Variants in POM121 observed in about 807,000 individuals in gnomAD.
POM121 encodes the protein POM121 transmembrane nucleoporin, also known as nuclear envelope pore membrane protein POM 121.
POM121 carries 32 observed loss-of-function variants against 81.3 expected under a neutral mutation model. The observed-to-expected ratio is 0.39, with a 90% CI of 0.30 to 0.53. POM121 has a LOEUF of 0.53. Among genes scored for constraint, POM121 ranks in the 20% least tolerant of loss-of-function variants. POM121 has a pLI of 0.66. For synonymous variants in POM121, 514 were observed against 694.2 expected (o/e 0.74, Z 4.08); for missense variants, 1,138 against 1,614.6 (o/e 0.70, Z 5.06).
chr7:72,891,106 T>C (rs1791255344), exon 3 of POM121: 2 of 1,107,756 alleles, frequency 1.8e-6, no homozygotes, highest in Admixed American at 3.8e-5. Context: ...GTCAACATAG[T>C]CCAGGTAAGT....
intron 5 of POM121, among the ~76,000 whole-genome samples, chr7:72,936,951 A>G (rs558405744): frequency 3.3e-5 from 5 of 151,134 alleles, no homozygotes; most frequent in Non-Finnish European, 7.4e-5. Flanking sequence ...TCGGCCATCT[A>G]TGTGCTTTTA....
chr7:72,884,535 CAAATATATACA>C (rs1790501901), intron 1 of POM121, among the ~76,000 whole-genome samples: 4 of 59,376 alleles, frequency 6.7e-5, no homozygotes, highest in African/African-American at 2.9e-4. Flanking sequence ...TATTTGATAG[CAAATATATACA>C]TATAATATAT....
At chr7:72,949,106 A>G (rs2129581520), downstream of POM121, 2 of 1,599,544 alleles carry the variant, frequency 1.3e-6, no homozygotes, top group South Asian at 1.1e-5. Context: ...GGCATACCTA[A>G]GGAAAAGCGT....
intron 3 of POM121, among the ~76,000 whole-genome samples, chr7:72,904,494 CG>C (rs1177673658): frequency 6.6e-6 from 1 of 152,162 alleles, no homozygotes; most frequent in Non-Finnish European, 1.5e-5. Context: ...TGGCAGCCCT[CG>C]GGCAGCTGAG....
intron 1 of POM121, among the ~76,000 whole-genome samples, chr7:72,884,113 C>A (rs2129574410): frequency 6.6e-6 from 1 of 152,244 alleles, no homozygotes; most frequent in East Asian, 1.9e-4. Context: ...CTATGTTGCC[C>A]AGGCTGGTCT....
chr7:72,919,072 A>G (rs1794560658), intron 4 of POM121, among the ~76,000 whole-genome samples: 1 of 151,808 alleles, frequency 6.6e-6, no homozygotes, highest in Admixed American at 6.6e-5. Flanking sequence ...GTGCTAGGCT[A>G]ATTTTTTATT....
At chr7:72,949,570 C>A, downstream of POM121, 1 of 706,024 alleles carries the variant, frequency 1.4e-6, no homozygotes, top group African/African-American at 1.8e-5. Flanking sequence ...CACAGACAAC[C>A]AGAACATGCA....
chr7:72,897,271 G>T (rs1292962406), intron 3 of POM121, among the ~76,000 whole-genome samples: 2 of 152,184 alleles, frequency 1.3e-5, no homozygotes, highest in Admixed American at 6.6e-5. Context: ...GTTGAGAAAG[G>T]CCTCACTGAT....
intron 3 of POM121, among the ~76,000 whole-genome samples, chr7:72,909,098 A>G (rs1486084053): frequency 1.3e-5 from 2 of 152,230 alleles, no homozygotes; most frequent in African/African-American, 4.8e-5. Flanking sequence ...TTATAAAAGT[A>G]TTAATTTAGG....
chr7:72,930,202 C>T, intron 5 of POM121, 91 bp downstream of exon 5: 2 of 1,450,460 alleles, frequency 1.4e-6, no homozygotes, highest in Non-Finnish European at 1.8e-6. Context: ...GCCATGTAAT[C>T]CCAGCACTTT....
intron 3 of POM121, among the ~76,000 whole-genome samples, chr7:72,897,917 G>T (rs1792130527): frequency 6.6e-6 from 1 of 152,194 alleles, no homozygotes; most frequent in Admixed American, 6.5e-5. Context: ...GACTTGGGAG[G>T]CTGAGGTGAG....
intron 5 of POM121, among the ~76,000 whole-genome samples, chr7:72,936,071 G>A (rs1554499395): frequency 1.3e-5 from 2 of 151,740 alleles, no homozygotes; most frequent in Non-Finnish European, 2.9e-5. Context: ...TGAAATGAGT[G>A]TGTATGTACA....
chr7:72,941,329 C>T (rs1209098396), intron 10 of POM121, among the ~76,000 whole-genome samples: 4 of 151,878 alleles, frequency 2.6e-5, no homozygotes, highest in South Asian at 2.1e-4. Context: ...CTGTCAGAAC[C>T]ACTGGTCCAG....
chr7:72,889,098 C>G (rs1483122722), intron 1 of POM121, among the ~76,000 whole-genome samples: 1 of 152,170 alleles, frequency 6.6e-6, no homozygotes, highest in Non-Finnish European at 1.5e-5. Context: ...GTGGTATTGA[C>G]ATGTAATTTT....
Position 72,948,229 on chromosome 7 carries a change from A to G in POM121, c.*1995A>G, listed in dbSNP as rs1471306915. Reference sequence around the variant, plus strand: ...CTTCATTCCTGTTGAGTCTAGTTGGAATTTTTAGTATGAATGTGAGATTTT... The same window carrying G: ...CTTCATTCCTGTTGAGTCTAGTTGGGATTTTTAGTATGAATGTGAGATTTT... On this transcript the variant is annotated 3_prime_UTR_variant, in exon 13 of 13. Transcript: ENST00000434423. The G allele has an allele frequency of 3.7e-5, 53 of 1,450,184 alleles. No individual in the cohort carries two copies. The highest frequency in any genetic ancestry group is 4.6e-5 in the Non-Finnish European group (51 of 1,105,710). 89.8% of individuals were successfully genotyped at this position (1,450,184 alleles called of 1,614,324 possible).
intron 4 of POM121, among the ~76,000 whole-genome samples, chr7:72,915,247 A>T (rs1794185318): frequency 6.6e-6 from 1 of 152,184 alleles, no homozygotes; most frequent in Middle Eastern, 3.2e-3. Context: ...GATCTCAGGA[A>T]CAAAGATCAT....
At chr7:72,928,691 G>A (rs1554498047) in intron 4 of POM121, among the ~76,000 whole-genome samples, 2 of 152,070 alleles carry the variant, frequency 1.3e-5, no homozygotes, top group Admixed American at 6.6e-5. Flanking sequence ...TGAGACTTAA[G>A]AGGTTTTATA....
chr7:72,911,442 A>G (rs1793793353), intron 3 of POM121, among the ~76,000 whole-genome samples: 1 of 152,218 alleles, frequency 6.6e-6, no homozygotes, highest in Admixed American at 6.5e-5. Flanking sequence ...GCGGCAATAC[A>G]TTTTGCTTCC....
In POM121 at chr7:72,942,199, C is replaced by A. The variant is rs1182702121; in HGVS notation, c.2206C>A (p.Pro736Thr). Residue 736 changes from proline to threonine, a missense_variant, in exon 11 of 13, where the codon CCC becomes ACC. Pro to Thr is a conservative substitution (Grantham distance 38). Coordinates refer to ENST00000434423, the MANE Select transcript of POM121 (RefSeq NM_001387691.1). ...GTTCAAGCCCATTTTCACGGCTCCA[C>A]CCAAGAGTGAGAAGGAAGGCCCCAC... ...PMFKPIFTAP[P>T]KSEKEGPTPP... 3 of 1,610,198 alleles carry A rather than the reference C, an allele frequency of 1.9e-6. No homozygotes were observed. In the African/African-American group the frequency reaches 4.1e-5, roughly 22 times the overall value.
Sources: gnomAD v4.1 joint callset for allele counts (sites outside exome capture counted in the v4.1 genomes callset) on GRCh38, gnomAD v4.1.1 for gene constraint, MANE v1.5 for transcripts, NCBI Gene and HGNC (gene_info 2026-07-23, HGNC 2026-07-21) for gene names.